The following MCTP2 variants were observed in gnomAD, a reference collection of about 807,000 sequenced individuals.
The protein encoded by MCTP2 is multiple C2 and transmembrane domain containing 2.
In MCTP2, 132 loss-of-function variants were observed where a neutral mutation model predicts 111.6. The observed-to-expected ratio is 1.18, with a 90% CI of 1.03 to 1.37. The LOEUF (loss-of-function observed/expected upper bound fraction) is 1.37, where lower values mean the gene tolerates loss of function less well. Ranked by LOEUF, MCTP2 falls within the 40% of genes most tolerant of loss-of-function variation. The pLI, the probability that MCTP2 is intolerant of heterozygous loss-of-function variation, is 0.00. For synonymous variants in MCTP2, 395 were observed against 387.7 expected, an observed-to-expected ratio of 1.02 and a Z score of -0.22; for missense variants, 1,183 against 1,067.9, an observed-to-expected ratio of 1.11 and a Z score of -1.50.
intron 8 of MCTP2, among the ~76,000 whole-genome samples, chr15:94,347,043 T>G (rs1371074746): frequency 1.3e-5 from 2 of 152,172 alleles, no homozygotes; most frequent in Non-Finnish European, 2.9e-5. Flanking sequence ...CTTTATTAAT[T>G]TTTGAAAGCT....
intron 1 of MCTP2, among the ~76,000 whole-genome samples, chr15:94,233,908 A>C (rs1010878530): frequency 1.3e-5 from 2 of 152,220 alleles, no homozygotes; most frequent in African/African-American, 4.8e-5. Context: ...TTACACACAG[A>C]AATGGAAGGG....
chr15:94,448,104 C>A (rs2084226544), intron 19 of MCTP2, among the ~76,000 whole-genome samples: 1 of 152,188 alleles, frequency 6.6e-6, no homozygotes, highest in South Asian at 2.1e-4. Flanking sequence ...GGGTTGCCTT[C>A]CCAATTTCCT....
At chr15:94,237,502 C>A (rs1450739231) in intron 1 of MCTP2, among the ~76,000 whole-genome samples, 1 of 151,626 alleles carries the variant, frequency 6.6e-6, no homozygotes, top group East Asian at 1.9e-4. Flanking sequence ...TCATGCCCTA[C>A]AAACTATAAA....
At chr15:94,418,648 T>A (rs2082482383) in intron 17 of MCTP2, among the ~76,000 whole-genome samples, 1 of 152,104 alleles carries the variant, frequency 6.6e-6, no homozygotes, top group Non-Finnish European at 1.5e-5. Flanking sequence ...TTATGAGCGG[T>A]GTGGGGATTT....
At chr15:94,366,127 A>T (rs1036825452) in intron 10 of MCTP2, among the ~76,000 whole-genome samples, 3 of 152,200 alleles carry the variant, frequency 2.0e-5, no homozygotes, top group Non-Finnish European at 2.9e-5. Context: ...TGAAATAAAA[A>T]TATTTATTAA....
At chr15:94,397,640 G>C (rs1469707352) in intron 14 of MCTP2, among the ~76,000 whole-genome samples, 1 of 152,208 alleles carries the variant, frequency 6.6e-6, no homozygotes, top group Non-Finnish European at 1.5e-5. Flanking sequence ...TTCAATCAGA[G>C]AGAGGTGGGG....
At chr15:94,439,697 G>A (rs2083667682) in intron 17 of MCTP2, among the ~76,000 whole-genome samples, 1 of 152,104 alleles carries the variant, frequency 6.6e-6, no homozygotes, top group Non-Finnish European at 1.5e-5. Flanking sequence ...TCATTTTCTT[G>A]TGTCCATATA....
chr15:94,472,981 C>A (rs1263118284), intron 21 of MCTP2, among the ~76,000 whole-genome samples: 1 of 152,062 alleles, frequency 6.6e-6, no homozygotes, highest in African/African-American at 2.4e-5. Flanking sequence ...GATCAGAAGA[C>A]TTTCTTATTC....
chr15:94,384,235 T>C, intron 13 of MCTP2, 111 bp downstream of exon 13: 1 of 685,420 alleles, frequency 1.5e-6, no homozygotes, highest in African/African-American at 2.1e-5. Flanking sequence ...TTTTATTGTT[T>C]TTTTCTTTTG....
At chr15:94,378,833 C>T (rs763254689) in intron 12 of MCTP2, among the ~76,000 whole-genome samples, 1 of 152,126 alleles carries the variant, frequency 6.6e-6, no homozygotes, top group Non-Finnish European at 1.5e-5. Context: ...CCTAGAAGAA[C>T]AGAGATCAAC....
chr15:94,258,034 ATT>A (rs60905293), intron 1 of MCTP2, among the ~76,000 whole-genome samples: 8 of 98,970 alleles, frequency 8.1e-5, no homozygotes, highest in East Asian at 3.0e-4. Context: ...CCACCATGTC[ATT>A]TTTTTTTTTT....
intron 14 of MCTP2, among the ~76,000 whole-genome samples, chr15:94,396,818 A>G (rs556797145): frequency 6.6e-6 from 1 of 152,312 alleles, no homozygotes; most frequent in Non-Finnish European, 1.5e-5. Flanking sequence ...TTCACTTTTT[A>G]AAGATTATAT....
chr15:94,400,293 G>T (rs963054821), intron 16 of MCTP2, among the ~76,000 whole-genome samples: 5 of 152,120 alleles, frequency 3.3e-5, no homozygotes. Context: ...CTAGCATCAA[G>T]ACTGTCAGTG....
intron 22 of MCTP2, among the ~76,000 whole-genome samples, chr15:94,477,708 C>T (rs74029269): frequency 0.017 from 2,580 of 152,214 alleles, 79 homozygotes; most frequent in African/African-American, 0.059. Flanking sequence ...AGATCTGGGG[C>T]GGAAAAGCCT....
Position 94,274,055 on chromosome 15 carries a change from A to G in MCTP2, c.-65-24146A>G, listed in dbSNP as rs116525277. The G allele has an allele frequency of 2.8e-3, 518 of 183,228 alleles. 5 individuals carry two copies. The highest frequency in any genetic ancestry group is 0.012 in the African/African-American group (499 of 41,788). 11.4% of individuals were successfully genotyped at this position (183,228 alleles called of 1,614,324 possible). The stretch of plus-strand genomic sequence containing the variant: ...TTTAACTGGAGATTTTTGGCCTAGC[A>G]TGTGTTTCTTTGGAGCTTATCAAAA... On this transcript the variant is annotated intron_variant, in intron 1 of 22. Coordinates refer to ENST00000357742, the MANE Select transcript of MCTP2 (RefSeq NM_001385001.1).
In MCTP2 at chr15:94,353,330, C is replaced by T. The variant is rs140386945; in HGVS notation, c.1006-2807C>T. On this transcript the variant is annotated intron_variant, in intron 8 of 22. Transcript: ENST00000357742. ...GCCAAGTCGCGCCTGCTACAGTCCT[C>T]AGCCTTGCCCTCCCATGCTGTTCCG... is the stretch of plus-strand genomic sequence containing the variant. Among the ~76,000 whole-genome samples, 569 of 152,314 alleles carry T rather than the reference C, an allele frequency of 3.7e-3. 4 individuals carry two copies. The highest frequency in any genetic ancestry group is 0.011 in the Admixed American group (174 of 15,296).
At chr15:94,340,126 A>G (rs976264895) in intron 5 of MCTP2, 73 bp from the exon 6 acceptor site, 2 of 995,928 alleles carry the variant, frequency 2.0e-6, no homozygotes, top group Non-Finnish European at 3.2e-6. Context: ...AACCTATTGC[A>G]TTTGTTAATA....
chr15:94,345,883 G>A (rs2077952275), intron 8 of MCTP2, among the ~76,000 whole-genome samples: 1 of 152,074 alleles, frequency 6.6e-6, no homozygotes, highest in African/African-American at 2.4e-5. Context: ...CCTACGAAAT[G>A]ATGCAGTATT....
intron 19 of MCTP2, among the ~76,000 whole-genome samples, chr15:94,448,309 TTTCTA>T (rs765378824): frequency 2.6e-5 from 4 of 152,214 alleles, no homozygotes; most frequent in African/African-American, 7.2e-5. Context: ...ATCTTTCTGA[TTTCTA>T]TTCTAAGGAT....
Sources: gnomAD v4.1 joint callset for allele counts (sites outside exome capture counted in the v4.1 genomes callset) on GRCh38, gnomAD v4.1.1 for gene constraint, MANE v1.5 for transcripts, NCBI Gene and HGNC (gene_info 2026-07-23, HGNC 2026-07-21) for gene names.